Variants in CNTN4 observed in about 807,000 individuals in gnomAD.
CNTN4 encodes contactin 4.
CNTN4 carries 77 observed loss-of-function variants against 122.5 expected under a neutral mutation model. The observed-to-expected ratio is 0.63, with a 90% CI of 0.52 to 0.76. The LOEUF is 0.76. Ranked by LOEUF, CNTN4 falls within the 30% of genes least tolerant of loss-of-function variation. The pLI is 0.00. For synonymous variants in CNTN4, 512 were observed against 447.0 expected, an observed-to-expected ratio of 1.15 and a Z score of -1.83; for missense variants, 1,256 against 1,259.1, an observed-to-expected ratio of 1.00 and a Z score of 0.04.
chr3:2,761,530 T>C (rs540579099), intron 6 of CNTN4, among the ~76,000 whole-genome samples: 10 of 152,164 alleles, frequency 6.6e-5, no homozygotes, highest in African/African-American at 1.9e-4. Flanking sequence ...GTGAATGCTC[T>C]GATTTCTTAT....
chr3:2,124,134 G>C (rs1006907224), intron 2 of CNTN4, among the ~76,000 whole-genome samples: 4 of 152,126 alleles, frequency 2.6e-5, no homozygotes, highest in African/African-American at 7.2e-5. Flanking sequence ...CTGTCAAAGA[G>C]TGTGCCAGAA....
At chr3:2,671,926 A>G (rs536477910) in intron 4 of CNTN4, among the ~76,000 whole-genome samples, 1 of 152,338 alleles carries the variant, frequency 6.6e-6, no homozygotes, top group South Asian at 2.1e-4. Context: ...ATTGCTGAAC[A>G]GCAAATATTG....
chr3:2,561,638 C>T (rs1423383353), intron 3 of CNTN4, among the ~76,000 whole-genome samples: 1 of 152,094 alleles, frequency 6.6e-6, no homozygotes, highest in East Asian at 1.9e-4. Context: ...TATGGATTTT[C>T]TCTCATATTC....
chr3:2,542,234 C>T (rs977702798), intron 3 of CNTN4, among the ~76,000 whole-genome samples: 10 of 152,142 alleles, frequency 6.6e-5, no homozygotes, highest in African/African-American at 2.2e-4. Context: ...CTGCAGCCAA[C>T]TGGCCTCTCA....
At chr3:2,378,994 AT>A (rs2045922274) in intron 3 of CNTN4, among the ~76,000 whole-genome samples, 1 of 152,062 alleles carries the variant, frequency 6.6e-6, no homozygotes, top group Non-Finnish European at 1.5e-5. Flanking sequence ...CACTTCAACA[AT>A]TTTCCTTTTC....
At chr3:2,893,777 A>G (rs562881248) in intron 10 of CNTN4, among the ~76,000 whole-genome samples, 6 of 152,304 alleles carry the variant, frequency 3.9e-5, no homozygotes, top group African/African-American at 1.4e-4. Context: ...TCACCAATGA[A>G]TATTGTTTAA....
chr3:2,934,479 A>G (rs1306179035), intron 13 of CNTN4, among the ~76,000 whole-genome samples: 3 of 152,278 alleles, frequency 2.0e-5, no homozygotes, highest in Admixed American at 6.5e-5. Flanking sequence ...TGTGTTGCAC[A>G]CAAGGTGTGA....
At chr3:2,917,040 C>T (rs2094370058) in intron 12 of CNTN4, among the ~76,000 whole-genome samples, 2 of 125,358 alleles carry the variant, frequency 1.6e-5, no homozygotes, top group African/African-American at 3.0e-5. Flanking sequence ...CAGACTCCGT[C>T]TGCCATCCCG....
chr3:2,389,132 G>C (rs2046354040), intron 3 of CNTN4, among the ~76,000 whole-genome samples: 1 of 152,036 alleles, frequency 6.6e-6, no homozygotes, highest in South Asian at 2.1e-4. Flanking sequence ...CTGCACTCCA[G>C]CCTGGGCGAC....
chr3:2,675,884 G>T (rs1245945459), intron 4 of CNTN4, among the ~76,000 whole-genome samples: 1 of 152,046 alleles, frequency 6.6e-6, no homozygotes, highest in African/African-American at 2.4e-5. Context: ...CAAAGTTCTA[G>T]GTTCTAGATT....
intron 7 of CNTN4, among the ~76,000 whole-genome samples, chr3:2,848,254 T>G (rs2093489084): frequency 6.6e-6 from 1 of 151,854 alleles, no homozygotes; most frequent in Non-Finnish European, 1.5e-5. Context: ...AAAAATAAAA[T>G]GTTAGCATAG....
chr3:2,290,694 G>T (rs866024714), intron 2 of CNTN4, among the ~76,000 whole-genome samples: 2 of 152,188 alleles, frequency 1.3e-5, no homozygotes, highest in South Asian at 2.1e-4. Context: ...TTTGTGTATT[G>T]TTGCGAGGGA....
At chr3:2,278,340 C>T (rs1032973262) in intron 2 of CNTN4, among the ~76,000 whole-genome samples, 7 of 152,208 alleles carry the variant, frequency 4.6e-5, no homozygotes, top group Admixed American at 2.0e-4. Flanking sequence ...ATTCCTACTT[C>T]ACACATCCCA....
intron 6 of CNTN4, among the ~76,000 whole-genome samples, chr3:2,779,004 GCC>G (rs1433455885): frequency 6.6e-6 from 1 of 152,160 alleles, no homozygotes; most frequent in African/African-American, 2.4e-5. Flanking sequence ...TACTGTGTTA[GCC>G]TCTTAATGCC....
chr3:2,449,110 A>C (rs958155461), intron 3 of CNTN4, among the ~76,000 whole-genome samples: 4 of 152,154 alleles, frequency 2.6e-5, no homozygotes, highest in Admixed American at 2.6e-4. Flanking sequence ...AAAACCTAGA[A>C]TCTTTATACA....
At chr3:2,276,043 T>C (rs2041496792) in intron 2 of CNTN4, among the ~76,000 whole-genome samples, 1 of 152,118 alleles carries the variant, frequency 6.6e-6, no homozygotes, top group South Asian at 2.1e-4. Flanking sequence ...AAATATTGCT[T>C]TTTGTATGTC....
At chr3:3,007,106 T>A (rs190738627) in intron 14 of CNTN4, among the ~76,000 whole-genome samples, 1 of 152,024 alleles carries the variant, frequency 6.6e-6, no homozygotes, top group Non-Finnish European at 1.5e-5. Context: ...AAAAAGTAAA[T>A]CATTACTGTA....
At chr3:2,750,045 A>G (rs1055625917) in intron 6 of CNTN4, among the ~76,000 whole-genome samples, 1 of 152,178 alleles carries the variant, frequency 6.6e-6, no homozygotes, top group Non-Finnish European at 1.5e-5. Flanking sequence ...ATACAATTTT[A>G]TGGTTAAAAA....
At chr3:2,351,443 G>C (rs1250324252) in intron 3 of CNTN4, among the ~76,000 whole-genome samples, 1 of 152,150 alleles carries the variant, frequency 6.6e-6, no homozygotes, top group Non-Finnish European at 1.5e-5. Context: ...GATGGGACAA[G>C]GGTGACCTTA....
Sources: allele counts gnomAD v4.1 joint callset (sites outside exome capture counted in the v4.1 genomes callset), GRCh38; gene constraint gnomAD v4.1.1; transcripts MANE v1.5; gene names NCBI Gene and HGNC (gene_info 2026-07-23, HGNC 2026-07-21).